GRM3: variants seen among roughly 807,000 people sequenced by gnomAD.
GRM3 encodes the protein glutamate metabotropic receptor 3.
A neutral mutation model predicts 70.5 loss-of-function variants in GRM3; 26 were observed. The observed-to-expected ratio is 0.37, with a 90% confidence interval of 0.27 to 0.51. GRM3 has a LOEUF of 0.51. Among genes scored for constraint, GRM3 ranks in the 20% least tolerant of loss-of-function variants. The pLI, the probability that GRM3 is intolerant of heterozygous loss-of-function variation, is 0.93. For synonymous variants in GRM3, 443 were observed against 434.9 expected (o/e 1.02, Z -0.23); for missense variants, 859 against 1,123.8 (o/e 0.76, Z 3.37).
At chr7:86,772,086 C>A (rs995958231) in intron 2 of GRM3, among the ~76,000 whole-genome samples, 2 of 152,034 alleles carry the variant, frequency 1.3e-5, no homozygotes, top group Non-Finnish European at 2.9e-5. Context: ...CATATTTATT[C>A]TTCCATGAAC....
At chr7:86,704,345 A>G (rs17675638) in intron 1 of GRM3, among the ~76,000 whole-genome samples, 14,313 of 151,972 alleles carry the variant, frequency 0.094, 765 homozygotes, top group South Asian at 0.16. Context: ...TTAATGATCA[A>G]TGATAGCAAC....
intron 1 of GRM3, among the ~76,000 whole-genome samples, chr7:86,712,877 CATT>C (rs1795230501): frequency 6.6e-6 from 1 of 152,146 alleles, no homozygotes; most frequent in South Asian, 2.1e-4. Flanking sequence ...TCAATTCACT[CATT>C]GTTGGGCACT....
intron 1 of GRM3, among the ~76,000 whole-genome samples, chr7:86,657,338 G>T (rs1286757078): frequency 6.6e-6 from 1 of 152,216 alleles, no homozygotes; most frequent in Non-Finnish European, 1.5e-5. Flanking sequence ...GAGCTTGGCT[G>T]TGAGACCCCT....
intron 1 of GRM3, among the ~76,000 whole-genome samples, chr7:86,749,522 C>T (rs1389678452): frequency 3.9e-5 from 6 of 152,006 alleles, no homozygotes; most frequent in African/African-American, 9.7e-5. Context: ...AGAATCAGCA[C>T]CAAACACGGC....
At chr7:86,819,373 T>C (rs989134589) in intron 3 of GRM3, among the ~76,000 whole-genome samples, 4 of 152,136 alleles carry the variant, frequency 2.6e-5, no homozygotes, top group African/African-American at 7.2e-5. Context: ...TTTATTCCAA[T>C]TGATGTCCTA....
Position 86,786,689 on chromosome 7 carries a change from C to T in GRM3, c.897C>T (p.Ala299=), listed in dbSNP as rs201774415. ...SRANASFTWV[A]SDGWGAQESI... ...CCAATGCCTCCTTCACCTGGGTGGC[C>T]AGCGACGGCTGGGGCGCGCAGGAGA... Residue 299 remains alanine (A), a synonymous_variant, in exon 3 of 6, where the codon GCC becomes GCT. Coordinates refer to ENST00000361669, the MANE Select transcript of GRM3 (RefSeq NM_000840.3). The surrounding 1 kb of genome is among the most constrained non-coding windows in gnomAD (Gnocchi z 6.0). 143 of 1,612,102 alleles carry T rather than the reference C, an allele frequency of 8.9e-5. No homozygotes were observed. The highest frequency in any genetic ancestry group is 1.1e-5 in the Non-Finnish European group (13 of 1,179,956).
intron 3 of GRM3, among the ~76,000 whole-genome samples, chr7:86,805,146 G>A (rs1296008393): frequency 3.3e-5 from 5 of 152,074 alleles, no homozygotes; most frequent in Non-Finnish European, 7.4e-5. Context: ...AAAGAGGATG[G>A]TAGTATACAT....
intron 2 of GRM3, among the ~76,000 whole-genome samples, chr7:86,772,516 C>T (rs1796772443): frequency 6.6e-6 from 1 of 152,054 alleles, no homozygotes. Flanking sequence ...CTAGGGGTTC[C>T]ATTCCAATTG....
chr7:86,681,493 G>T (rs976144855), intron 1 of GRM3, among the ~76,000 whole-genome samples: 1 of 152,100 alleles, frequency 6.6e-6, no homozygotes, highest in African/African-American at 2.4e-5. Context: ...AATAAGGAAT[G>T]AATATGCTCT....
At chr7:86,829,622 G>A (rs1413539309) in intron 3 of GRM3, among the ~76,000 whole-genome samples, 1 of 152,164 alleles carries the variant, frequency 6.6e-6, no homozygotes, top group Non-Finnish European at 1.5e-5. Context: ...GATGGAGAGA[G>A]ATAGGGGAAT....
chr7:86,667,096 A>G (rs1794047329), intron 1 of GRM3, among the ~76,000 whole-genome samples: 1 of 152,116 alleles, frequency 6.6e-6, no homozygotes, highest in Non-Finnish European at 1.5e-5. Flanking sequence ...CAAATCAAAG[A>G]CTTGTGGATC....
At chr7:86,734,872 T>C (rs764144809) in intron 1 of GRM3, among the ~76,000 whole-genome samples, 56 of 152,188 alleles carry the variant, frequency 3.7e-4, no homozygotes, top group Non-Finnish European at 6.6e-4. Flanking sequence ...ATTTTTTCTT[T>C]TATACACGCA....
Position 86,839,473 on chromosome 7 carries a change from T to C in GRM3, c.1959T>C (p.Ala653=). 6.2e-7 allele frequency: 1 copy of C among 1,612,108 alleles called. No homozygotes were observed. Among genetic ancestry groups the C allele is most frequent in the East Asian group, 2.2e-5 (1 of 44,864 alleles). The change falls in exon 4 of 6, where the codon GCT becomes GCC. Residue 653 remains alanine, a synonymous_variant. Coordinates refer to ENST00000361669, the MANE Select transcript of GRM3 (RefSeq NM_000840.3). This position sits in a 1 kb window ranked among gnomAD's most constrained non-coding sequence, Gnocchi z 4.5. ...LRRLGLGSSF[A]ICYSALLTKT... The stretch of plus-strand genomic sequence containing the variant: ...GACTCGGGCTGGGGAGTTCCTTCGC[T>C]ATCTGTTACTCAGCCCTGCTGACCA...
In GRM3 at chr7:86,676,210, G is replaced by A. The variant is rs1473441175; in HGVS notation, c.-141+31338G>A. ...ATTCTATAAAGATTACCAAGTATTT[G>A]ATGTAGCTTCTGGCAAGAGATGAAG... On this transcript the variant is annotated intron_variant, in intron 1 of 5. Transcript: ENST00000361669. 2.0e-5 allele frequency among the ~76,000 whole-genome samples: 3 copies of A among 151,926 alleles called. No homozygotes were observed. In the East Asian group the frequency reaches 5.8e-4, roughly 29 times the overall value.
chr7:86,809,915 G>GCTT (rs1235279295), intron 3 of GRM3, among the ~76,000 whole-genome samples: 14 of 152,000 alleles, frequency 9.2e-5, no homozygotes, highest in African/African-American at 2.7e-4. Flanking sequence ...AACAAACAAT[G>GCTT]CTTCTTAAAC....
chr7:86,810,958 A>T (rs946685535), intron 3 of GRM3, among the ~76,000 whole-genome samples: 2 of 151,944 alleles, frequency 1.3e-5, no homozygotes, highest in Non-Finnish European at 2.9e-5. Flanking sequence ...AATTTCATCT[A>T]GTCAATAATG....
At chr7:86,842,107 C>T (rs1490475642) in intron 4 of GRM3, among the ~76,000 whole-genome samples, 1 of 152,152 alleles carries the variant, frequency 6.6e-6, no homozygotes, top group Non-Finnish European at 1.5e-5. Flanking sequence ...ATACCTGGGA[C>T]ACAGCCTCAG....
intron 1 of GRM3, among the ~76,000 whole-genome samples, chr7:86,714,499 C>T (rs1272444597): frequency 6.6e-6 from 1 of 151,870 alleles, no homozygotes; most frequent in African/African-American, 2.4e-5. Context: ...TTGCCCAAGT[C>T]ACCCAGTTAA....
chr7:86,663,885 G>T (rs1284657110), intron 1 of GRM3, among the ~76,000 whole-genome samples: 1 of 151,906 alleles, frequency 6.6e-6, no homozygotes, highest in South Asian at 2.1e-4. Context: ...AGTGACATCA[G>T]GTTTTCATGG....
Sources: allele counts gnomAD v4.1 joint callset (sites outside exome capture counted in the v4.1 genomes callset), GRCh38; gene constraint gnomAD v4.1.1; non-coding constraint Gnocchi (gnomAD v3.1); transcripts MANE v1.5; gene names NCBI Gene and HGNC (gene_info 2026-07-23, HGNC 2026-07-21).